Variants in HDAC9 observed in about 807,000 individuals in gnomAD.
HDAC9 encodes the protein MEF-2 interacting transcription repressor (MITR) protein.
HDAC9 carries 41 observed loss-of-function variants against 139.4 expected under a neutral mutation model. The ratio of observed to expected loss-of-function variants is 0.29; its 90% confidence interval spans 0.23 to 0.38. The LOEUF (loss-of-function observed/expected upper bound fraction) is 0.38. Among genes scored for constraint, HDAC9 ranks in the 10% least tolerant of loss-of-function variants. HDAC9 has a pLI of 1.00. For missense variants in HDAC9, 1,147 were observed against 1,297.0 expected, an observed-to-expected ratio of 0.88 and a Z score of 1.78; for synonymous variants, 517 against 476.2, an observed-to-expected ratio of 1.09 and a Z score of -1.12.
At chr7:18,213,066 T>C (rs1486683168) in intron 2 of HDAC9, among the ~76,000 whole-genome samples, 1 of 152,168 alleles carries the variant, frequency 6.6e-6, no homozygotes, top group Non-Finnish European at 1.5e-5. Flanking sequence ...AGTCACAGTG[T>C]TTGATAAACA....
At chr7:18,740,455 C>T (rs1050503331) in intron 13 of HDAC9, among the ~76,000 whole-genome samples, 1 of 152,142 alleles carries the variant, frequency 6.6e-6, no homozygotes, top group African/African-American at 2.4e-5. Context: ...TTTGGGGAAC[C>T]ATGAACCACA....
chr7:18,133,932 G>GCACACACACACACACACACA (rs112343375), intron 1 of HDAC9, among the ~76,000 whole-genome samples: 1 of 145,828 alleles, frequency 6.9e-6, no homozygotes, highest in African/African-American at 2.6e-5. Flanking sequence ...ATACACGCGT[G>GCACACACACACACACACACA]CACACACACA....
intron 1 of HDAC9, among the ~76,000 whole-genome samples, chr7:18,431,942 A>G (rs1196681612): frequency 6.6e-6 from 1 of 152,208 alleles, no homozygotes; most frequent in Non-Finnish European, 1.5e-5. Flanking sequence ...GAATTCCAGA[A>G]TGTGTCCTTT....
rs1785679083 is a variant in HDAC9, at chr7:18,139,018, A to C, written c.-96-23211A>C. Among the ~76,000 whole-genome samples the C allele has an allele frequency of 1.3e-5, 2 of 152,152 alleles. 1 individual carries two copies. Among genetic ancestry groups the C allele is most frequent in the Non-Finnish European group, 2.9e-5 (2 of 68,028 alleles). ...GGTAGTCAGGTAATCAGATGTGTTA[A>C]AATTTTCTTTTAAATGATTCATTCT... is the stretch of plus-strand genomic sequence containing the variant. On this transcript the variant is annotated intron_variant, in intron 1 of 12. Coordinates refer to the HDAC9 transcript ENST00000417496.
chr7:18,356,040 G>A (rs1052574117), intron 1 of HDAC9, among the ~76,000 whole-genome samples: 1 of 151,978 alleles, frequency 6.6e-6, no homozygotes, highest in African/African-American at 2.4e-5. Flanking sequence ...TCATTGAATT[G>A]TACCCTTTAA....
chr7:18,521,001 C>A (rs1252778816), intron 2 of HDAC9, among the ~76,000 whole-genome samples: 1 of 152,168 alleles, frequency 6.6e-6, no homozygotes, highest in African/African-American at 2.4e-5. Flanking sequence ...CGGCAGTCCT[C>A]CTCTAACAGG....
chr7:18,453,475 A>T (rs1262035015), intron 1 of HDAC9, among the ~76,000 whole-genome samples: 1 of 152,194 alleles, frequency 6.6e-6, no homozygotes, highest in Non-Finnish European at 1.5e-5. Context: ...CAGTATTCAC[A>T]GTAGCTGCCT....
intron 23 of HDAC9, chr7:18,949,014 T>C: frequency 2.4e-6 from 1 of 409,298 alleles, no homozygotes; most frequent in South Asian, 2.0e-5. Flanking sequence ...GAACCACCTT[T>C]TTGTGTACTT....
At chr7:18,806,837 T>A (rs1406645433) in intron 17 of HDAC9, among the ~76,000 whole-genome samples, 1 of 152,198 alleles carries the variant, frequency 6.6e-6, no homozygotes, top group East Asian at 1.9e-4. Flanking sequence ...TCCCACTTTA[T>A]CATAATGTGC....
In HDAC9 at chr7:18,653,947, C is replaced by T. The variant is rs539032227; in HGVS notation, c.1467+5264C>T. Among the ~76,000 whole-genome samples, 61 of 152,178 alleles carry T rather than the reference C, an allele frequency of 4.0e-4. 2 individuals carry two copies. The South Asian group carries it at 0.011, about 28-fold the overall frequency. ...CACAGTAACCTAAGAGAGTATATTC[C>T]TTCATGCTTGTGGTCACATACAAAC... On this transcript the variant is annotated intron_variant, in intron 11 of 25. Coordinates refer to ENST00000686413, the MANE Select transcript of HDAC9 (RefSeq NM_178425.4).
chr7:18,984,199 A>G (rs1241058318), intron 25 of HDAC9, among the ~76,000 whole-genome samples: 2 of 152,064 alleles, frequency 1.3e-5, no homozygotes, highest in Non-Finnish European at 2.9e-5. Context: ...TTATTTTTTT[A>G]ATAGCAGTAT....
At chr7:18,378,391 TTA>T (rs939716018) in intron 1 of HDAC9, among the ~76,000 whole-genome samples, 5 of 152,000 alleles carry the variant, frequency 3.3e-5, no homozygotes, top group African/African-American at 7.2e-5. Flanking sequence ...ATAAAAAACT[TTA>T]TGTGTATACT....
chr7:18,575,478 C>G (rs3807918), intron 2 of HDAC9, among the ~76,000 whole-genome samples: 18,320 of 152,212 alleles, frequency 0.12, 1,357 homozygotes, highest in Admixed American at 0.2. Context: ...TGGGTTATCC[C>G]TACTGAAGCA....
At chr7:18,859,319 A>G (rs1797914357) in intron 21 of HDAC9, among the ~76,000 whole-genome samples, 1 of 152,108 alleles carries the variant, frequency 6.6e-6, no homozygotes, top group Admixed American at 6.6e-5. Flanking sequence ...TAGTTTTGGA[A>G]TTAATCCTAC....
intron 6 of HDAC9, among the ~76,000 whole-genome samples, chr7:18,622,572 T>C (rs571010161): frequency 2.0e-5 from 3 of 152,158 alleles, no homozygotes; most frequent in South Asian, 2.1e-4. Context: ...TCTGCCCGCC[T>C]TGGCCTCCCA....
intron 16 of HDAC9, among the ~76,000 whole-genome samples, chr7:18,781,826 T>C (rs1791265930): frequency 6.6e-6 from 1 of 152,118 alleles, no homozygotes; most frequent in Admixed American, 6.6e-5. Flanking sequence ...CATTAGAAGA[T>C]GAAAGTAGAT....
At chr7:18,201,980 C>G (rs1791164743) in intron 2 of HDAC9, among the ~76,000 whole-genome samples, 1 of 152,168 alleles carries the variant, frequency 6.6e-6, no homozygotes, top group African/African-American at 2.4e-5. Flanking sequence ...AATAATTTTT[C>G]CTGTTCTCTC....
chr7:18,186,129 G>A (rs935785467), intron 2 of HDAC9, among the ~76,000 whole-genome samples: 2 of 152,170 alleles, frequency 1.3e-5, no homozygotes, highest in Non-Finnish European at 2.9e-5. Context: ...TGCCTAGCTA[G>A]GTTAACATGT....
At chr7:18,516,425 G>A (rs572449221) in intron 2 of HDAC9, among the ~76,000 whole-genome samples, 2 of 152,288 alleles carry the variant, frequency 1.3e-5, no homozygotes, top group African/African-American at 4.8e-5. Context: ...CCAGGAAGGA[G>A]GATGTCACCT....
Sources: allele counts gnomAD v4.1 joint callset (sites outside exome capture counted in the v4.1 genomes callset), GRCh38; gene constraint gnomAD v4.1.1; transcripts MANE v1.5; gene names NCBI Gene and HGNC (gene_info 2026-07-23, HGNC 2026-07-21).